Variants in AGBL1 observed in about 807,000 individuals in gnomAD.
The protein encoded by AGBL1 is AGBL carboxypeptidase 1, also known as cytosolic carboxypeptidase 4.
AGBL1 carries 130 observed loss-of-function variants against 118.9 expected under a neutral mutation model. The ratio of observed to expected loss-of-function variants is 1.09; its 90% confidence interval spans 0.95 to 1.26. The LOEUF (loss-of-function observed/expected upper bound fraction) is 1.26, where lower values mean the gene tolerates loss of function less well. Ranked by LOEUF, AGBL1 falls within the 50% of genes most tolerant of loss-of-function variation. The probability of loss-of-function intolerance (pLI) is 0.00; values close to 1 mark genes in which losing one functional copy is unlikely to be tolerated. For synonymous variants in AGBL1, 555 were observed against 478.9 expected, an observed-to-expected ratio of 1.16 and a Z score of -2.08; for missense variants, 1,584 against 1,298.1, an observed-to-expected ratio of 1.22 and a Z score of -3.38.
chr15:86,920,468 G>T (rs564574257), downstream of AGBL1, among the ~76,000 whole-genome samples: 4 of 152,156 alleles, frequency 2.6e-5, no homozygotes. Context: ...ATAATCACAG[G>T]AGTGAAATCT....
rs114933250 is a variant in AGBL1 at position 86,732,539 on chromosome 15, C to T, written c.3158+58103C>T. Among the ~76,000 whole-genome samples, 924 of 152,152 alleles carry T rather than the reference C, an allele frequency of 6.1e-3. 11 individuals carry two copies. The highest frequency in any genetic ancestry group is 0.021 in the African/African-American group (875 of 41,508). ...TTTAGTTCCTTGTAGTTAAGAACCA[C>T]GATTGATTTGAAATGTGGAGATTAA... On this transcript the variant is annotated intron_variant, in intron 22 of 22. Transcript: ENST00000614907.
chr15:86,574,553 A>G (rs1270926762), intron 21 of AGBL1, among the ~76,000 whole-genome samples: 1 of 149,950 alleles, frequency 6.7e-6, no homozygotes, highest in Non-Finnish European at 1.5e-5. Context: ...TGTTCTATAC[A>G]ATTCTTAAAA....
intron 22 of AGBL1, among the ~76,000 whole-genome samples, chr15:86,764,019 T>A (rs956984595): frequency 6.6e-6 from 1 of 151,888 alleles, no homozygotes; most frequent in Non-Finnish European, 1.5e-5. Context: ...GATAATTGGG[T>A]AGGGAAAGCG....
chr15:86,293,371 C>T (rs1187050329), intron 16 of AGBL1, among the ~76,000 whole-genome samples: 1 of 152,104 alleles, frequency 6.6e-6, no homozygotes, highest in African/African-American at 2.4e-5. Flanking sequence ...GTTTCCTTTC[C>T]TTTTCCAGCT....
At chr15:86,770,166 G>C (rs192559646) in intron 22 of AGBL1, among the ~76,000 whole-genome samples, 154 of 151,988 alleles carry the variant, frequency 1.0e-3, no homozygotes, top group African/African-American at 3.6e-3. Flanking sequence ...ACAAACAAAA[G>C]CATAGACAGA....
At chr15:86,445,296 G>T (rs1450457886) in intron 18 of AGBL1, among the ~76,000 whole-genome samples, 1 of 152,248 alleles carries the variant, frequency 6.6e-6, no homozygotes, top group Non-Finnish European at 1.5e-5. Context: ...ATAGCCTTTG[G>T]TGCTTACAAA....
At chr15:86,303,505 G>C (rs1229211148) in intron 17 of AGBL1, among the ~76,000 whole-genome samples, 1 of 152,132 alleles carries the variant, frequency 6.6e-6, no homozygotes, top group East Asian at 1.9e-4. Flanking sequence ...ATGTGAAAAA[G>C]AGTAAGACTG....
chr15:86,752,523 T>G (rs2077870519), intron 22 of AGBL1, among the ~76,000 whole-genome samples: 1 of 152,126 alleles, frequency 6.6e-6, no homozygotes, highest in African/African-American at 2.4e-5. Flanking sequence ...CTTCCATGTC[T>G]GTCATCACCT....
chr15:86,170,516 T>C (rs1296843423), intron 5 of AGBL1, among the ~76,000 whole-genome samples: 1 of 151,924 alleles, frequency 6.6e-6, no homozygotes, highest in Non-Finnish European at 1.5e-5. Context: ...ATAAGAAACA[T>C]GAAAAAAACG....
intron 23 of AGBL1, among the ~76,000 whole-genome samples, chr15:86,980,074 G>T (rs1320416416): frequency 4.6e-5 from 7 of 152,058 alleles, no homozygotes; most frequent in Admixed American, 2.0e-4. Context: ...TTCTTAAAAA[G>T]AAAAAACCTT....
intron 22 of AGBL1, among the ~76,000 whole-genome samples, chr15:86,769,740 A>G (rs1312410529): frequency 1.3e-5 from 2 of 152,030 alleles, no homozygotes; most frequent in African/African-American, 4.8e-5. Flanking sequence ...GCTCAAGTTA[A>G]ATAATACTCT....
At chr15:86,971,696 G>A (rs1044483510) in intron 23 of AGBL1, among the ~76,000 whole-genome samples, 10 of 151,866 alleles carry the variant, frequency 6.6e-5, no homozygotes, top group African/African-American at 1.7e-4. Context: ...AAACATTGCA[G>A]CTCCCTCTCT....
chr15:86,272,145 T>C (rs1265830588), intron 15 of AGBL1, among the ~76,000 whole-genome samples: 3 of 152,136 alleles, frequency 2.0e-5, no homozygotes, highest in African/African-American at 7.2e-5. Context: ...CAATTACACA[T>C]AAGTAACTCC....
At chr15:86,606,928 C>T (rs1421990494) in intron 21 of AGBL1, among the ~76,000 whole-genome samples, 3 of 152,064 alleles carry the variant, frequency 2.0e-5, no homozygotes, top group African/African-American at 4.8e-5. Flanking sequence ...CATATAGAGT[C>T]GTTTTACTGC....
At chr15:86,676,875 G>T (rs968854580) in intron 22 of AGBL1, among the ~76,000 whole-genome samples, 1 of 152,110 alleles carries the variant, frequency 6.6e-6, no homozygotes, top group Non-Finnish European at 1.5e-5. Flanking sequence ...GGCTGAGGCG[G>T]GTGGATCACG....
In AGBL1 at chr15:86,825,387, T is replaced by TAAAAAAAAAAAAAAAAAAAAAA. The variant is rs869042604; in HGVS notation, c.3159-81685_3159-81664dup. ...AGTTGAAAAGACAAGGTAGAAACTGTAAAAAAAAAAAAAAAAAAAAAAAAA... is the reference window on the plus strand; with the variant it reads ...AGTTGAAAAGACAAGGTAGAAACTGTAAAAAAAAAAAAAAAAAAAAAAAAAAAAAAAAAAAAAAAAAAAAAAA... On this transcript the variant is annotated intron_variant, in intron 22 of 22. Coordinates refer to ENST00000614907, the MANE Select transcript of AGBL1 (RefSeq NM_001386094.1). 4.5e-4 allele frequency among the ~76,000 whole-genome samples: 5 copies of TAAAAAAAAAAAAAAAAAAAAAA among 11,148 alleles called. 1 individual carries two copies. The Admixed American group carries it at 4.7e-3, about 10-fold the overall frequency. The allele number at this position is 11,148 out of a possible 152,430, so 7.3% of individuals were successfully genotyped here.
chr15:86,666,503 T>C (rs1458403890), intron 21 of AGBL1, among the ~76,000 whole-genome samples: 7 of 152,138 alleles, frequency 4.6e-5, no homozygotes, highest in Non-Finnish European at 8.8e-5. Flanking sequence ...CTTTCTAATA[T>C]GTATGACTCA....
intron 13 of AGBL1, among the ~76,000 whole-genome samples, chr15:86,267,608 A>G (rs151127559): frequency 1.6e-3 from 239 of 152,278 alleles, no homozygotes; most frequent in Admixed American, 4.9e-3. Context: ...CTCTAGCAGA[A>G]CCTACAGATG....
chr15:86,518,120 G>A (rs2083144409), intron 18 of AGBL1, among the ~76,000 whole-genome samples: 1 of 152,130 alleles, frequency 6.6e-6, no homozygotes, highest in Non-Finnish European at 1.5e-5. Context: ...GTCATGGACG[G>A]ATGGGAGATT....
Sources: allele counts gnomAD v4.1 joint callset (sites outside exome capture counted in the v4.1 genomes callset), GRCh38; gene constraint gnomAD v4.1.1; transcripts MANE v1.5; gene names NCBI Gene and HGNC (gene_info 2026-07-23, HGNC 2026-07-21).